MTMR4: variants seen among roughly 807,000 people sequenced by gnomAD.
MTMR4 encodes the protein myotubularin related protein 4, also known as phosphatidylinositol-3,5-bisphosphate 3-phosphatase MTMR4.
Under a neutral mutation model 125.5 loss-of-function variants are expected in MTMR4, and 30 were observed. The ratio of observed to expected loss-of-function variants is 0.24; its 90% CI spans 0.18 to 0.32. The LOEUF is 0.32. Among genes scored for constraint, MTMR4 ranks in the 10% least tolerant of loss-of-function variants. The pLI is 1.00. For missense variants in MTMR4, 1,039 were observed against 1,511.5 expected, an observed-to-expected ratio of 0.69 and a Z score of 5.18; for synonymous variants, 498 against 564.5, an observed-to-expected ratio of 0.88 and a Z score of 1.67.
chr17:58,508,386 C>G lies in MTMR4; in HGVS notation c.593+82G>C. The G allele has an allele frequency of 1.3e-6, 2 of 1,563,876 alleles. No individual in the cohort carries two copies. Among genetic ancestry groups the G allele is most frequent in the South Asian group, 2.2e-5 (2 of 89,952 alleles). ...ACCATGAGCCTTCCTCCCTCTCAGA[C>G]TCAGAAGCTGTGCCCACCACACTTT... On this transcript the variant is annotated intron_variant, in intron 6 of 17. Transcript: ENST00000682306. The surrounding 1 kb of genome is among the most constrained non-coding windows in gnomAD (Gnocchi z 4.8).
intron 14 of MTMR4, among the ~76,000 whole-genome samples, chr17:58,500,264 C>A (rs921377256): frequency 6.6e-6 from 1 of 152,150 alleles, no homozygotes; most frequent in Non-Finnish European, 1.5e-5. Context: ...GTAGCTGGGA[C>A]CACAGGCGCA....
At chr17:58,497,957 G>C (rs1975516609) in intron 14 of MTMR4, among the ~76,000 whole-genome samples, 1 of 152,246 alleles carries the variant, frequency 6.6e-6, no homozygotes, top group Non-Finnish European at 1.5e-5. Context: ...GCTGGGCACA[G>C]TGGCTCATGC....
intron 14 of MTMR4, among the ~76,000 whole-genome samples, chr17:58,497,672 A>C (rs1289287150): frequency 1.3e-5 from 2 of 152,204 alleles, no homozygotes; most frequent in African/African-American, 2.4e-5. Context: ...CTAGCACAGT[A>C]CCAGGGGCAA....
At position 58,504,534 on chromosome 17, in the gene MTMR4, C is replaced by A; in HGVS notation, c.1342-46G>T. 1 of 1,588,524 alleles carries A rather than the reference C, an allele frequency of 6.3e-7. No homozygotes were observed. The highest frequency in any genetic ancestry group is 8.6e-7 in the Non-Finnish European group (1 of 1,165,368). ...CAAACATAGGGCCTCTCTGGAAATG[C>A]TGATGTGCTACTCCCCTGGGAACTG... On this transcript the variant is annotated intron_variant, in intron 11 of 17. Coordinates refer to ENST00000682306, the MANE Select transcript of MTMR4 (RefSeq NM_001378067.1). This position sits in a 1 kb window ranked among gnomAD's most constrained non-coding sequence, Gnocchi z 7.1.
chr17:58,511,006 T>C (rs1462469290), intron 4 of MTMR4: 2 of 153,552 alleles, frequency 1.3e-5, no homozygotes, highest in African/African-American at 4.8e-5. Flanking sequence ...CTCATTGGAA[T>C]GTAAGCTCTC....
intron 14 of MTMR4, among the ~76,000 whole-genome samples, chr17:58,497,078 C>T (rs1237202809): frequency 1.3e-5 from 2 of 152,100 alleles, no homozygotes; most frequent in African/African-American, 4.8e-5. Flanking sequence ...GGTTAAGGGA[C>T]ATTTTCAAGA....
chr17:58,508,057 G>C lies in MTMR4; in HGVS notation c.707+104C>G, dbSNP rs1028800683. 7.0e-5 allele frequency: 54 copies of C among 769,784 alleles called. No individual in the cohort carries two copies. The highest frequency in any genetic ancestry group is 8.2e-5 in the Non-Finnish European group (37 of 452,950). 47.7% of individuals were successfully genotyped at this position (769,784 alleles called of 1,614,324 possible). On this transcript the variant is annotated intron_variant, in intron 7 of 17. Transcript: ENST00000682306. The surrounding 1 kb of genome is among the most constrained non-coding windows in gnomAD (Gnocchi z 4.8). ...TAAAGTTATTTCATACTTCCCCATA[G>C]AGTGTCAATTCTCAGTCAACCAGGT...
Position 58,496,470 on chromosome 17 carries a change from AC to A in MTMR4, c.1854-141del, listed in dbSNP as rs901152016. The A allele has an allele frequency of 1.0e-5, 7 of 692,166 alleles. No individual in the cohort carries two copies. The Admixed American group carries it at 1.9e-4, about 19-fold the overall frequency. 42.9% of individuals were successfully genotyped at this position (692,166 alleles called of 1,614,324 possible). On this transcript the variant is annotated intron_variant, in intron 14 of 17. Transcript: ENST00000682306. The stretch of plus-strand genomic sequence containing the variant: ...AGAACACTTAAGTTTAGAAATAAGG[AC>A]CCTTAAGATCACAAATAACCAATGT...
upstream of MTMR4, among the ~76,000 whole-genome samples, chr17:58,518,326 A>T (rs2042049936): frequency 6.6e-6 from 1 of 152,196 alleles, no homozygotes; most frequent in Admixed American, 6.5e-5. Context: ...CTTCTGAAAC[A>T]GGTCCCCAGT....
intron 4 of MTMR4, chr17:58,511,161 T>C (rs1038834710): frequency 9.6e-6 from 3 of 311,496 alleles, no homozygotes; most frequent in Non-Finnish European, 1.8e-5. Flanking sequence ...GTGCCAGATA[T>C]TGTCCTCGGT....
At chr17:58,511,096 A>G (rs1429142157) in intron 4 of MTMR4, 1 of 176,428 alleles carries the variant, frequency 5.7e-6, no homozygotes, top group African/African-American at 2.4e-5. Flanking sequence ...TAGGGTACTC[A>G]ATACATGTAT....
Position 58,495,883 on chromosome 17 carries a change from T to G in MTMR4, c.2301A>C (p.Glu767Asp). The change falls in exon 15 of 18, where the codon GAA (glutamate) becomes GAC (aspartate). Residue 767 changes from glutamate (E) to aspartate (D), a missense_variant. Glu to Asp is a conservative substitution (Grantham distance 45). Around this residue, in one of 6 missense-constraint regions of MTMR4, gnomAD observed 619 missense variants for 714.5 expected, o/e 0.87. Transcript: ENST00000682306. ...RTLDGIGEPP[E>D]HCPETEAVSA... Reference sequence around the variant, plus strand: ...TGACAGCTTCTGTTTCAGGACAATGTTCAGGTGGCTCCCCTATGCCATCTA... The same window carrying G: ...TGACAGCTTCTGTTTCAGGACAATGGTCAGGTGGCTCCCCTATGCCATCTA... 1 of 1,614,114 alleles carries G rather than the reference T, an allele frequency of 6.2e-7. No homozygotes were observed. Among genetic ancestry groups the G allele is most frequent in the Non-Finnish European group, 8.5e-7 (1 of 1,180,010 alleles).
At position 58,506,763 on chromosome 17, in the gene MTMR4, C is replaced by T; in HGVS notation, c.1013G>A (p.Gly338Asp). 1 of 1,614,004 alleles carries T rather than the reference C, an allele frequency of 6.2e-7. No individual in the cohort carries two copies. The highest frequency in any genetic ancestry group is 8.5e-7 in the Non-Finnish European group (1 of 1,180,012). The change falls in exon 9 of 18, where the codon GGT becomes GAT. Residue 338 changes from glycine (G) to aspartate (D), a missense_variant. Around this residue, in one of 6 missense-constraint regions of MTMR4, gnomAD observed 107 missense variants for 267.4 expected, o/e 0.40. Coordinates refer to ENST00000682306, the MANE Select transcript of MTMR4 (RefSeq NM_001378067.1). The part of the protein sequence containing the change: ...YTAAVANRAK[G>D]GGCECEEYYP... ...AATACCTTCACATTCACAGCCTCCA[C>T]CCTTGGCCCGGTTGGCCACTGCTGC...
At chr17:58,494,245 G>A (rs545864457) in intron 15 of MTMR4, among the ~76,000 whole-genome samples, 14 of 151,774 alleles carry the variant, frequency 9.2e-5, no homozygotes, top group Middle Eastern at 3.4e-3. Flanking sequence ...GCGTGAACCC[G>A]GGAGGGCGGA....
At chr17:58,507,949 A>T (rs1567935483) in intron 7 of MTMR4, 1 of 456,448 alleles carries the variant, frequency 2.2e-6, no homozygotes, top group South Asian at 2.2e-5. Flanking sequence ...ACACACACAC[A>T]CACACTCTAA....
Position 58,496,063 on chromosome 17 carries a change from C to T in MTMR4, c.2121G>A (p.Lys707=), listed in dbSNP as rs1598213084. ...AACTTGGAGAACAGCTTTTGTGACT[C>T]TTGAAAGGTTTATTGCTCAAGTAGT... ...QKDYLSNKPF[K]SHKSCSPSYK... The change falls in exon 15 of 18, where the codon AAG becomes AAA. Residue 707 remains lysine, a synonymous_variant. Transcript: ENST00000682306. 1.9e-6 allele frequency: 3 copies of T among 1,614,168 alleles called. No individual in the cohort carries two copies. The East Asian group carries it at 6.7e-5, about 36-fold the overall frequency.
chr17:58,500,844 T>G (rs1975605964), intron 14 of MTMR4, among the ~76,000 whole-genome samples: 1 of 152,100 alleles, frequency 6.6e-6, no homozygotes, highest in African/African-American at 2.4e-5. Flanking sequence ...ACCAATATCT[T>G]CTATTTCTTT....
chr17:58,512,393 G>A lies in MTMR4; in HGVS notation c.249C>T (p.Ile83=). The change falls in exon 3 of 18, where the codon ATC becomes ATT. Residue 83 remains isoleucine (I), a synonymous_variant. Coordinates refer to ENST00000682306, the MANE Select transcript of MTMR4 (RefSeq NM_001378067.1). This position sits in a 1 kb window ranked among gnomAD's most constrained non-coding sequence, Gnocchi z 4.1. ...GGAGAACAATACAGAAACTCACGTTGATGACAGAGTCCTTGAATTTGATAT... is the reference window on the plus strand; with the variant it reads ...GGAGAACAATACAGAAACTCACGTTAATGACAGAGTCCTTGAATTTGATAT... The part of the protein sequence containing the change: ...RLHIKFKDSV[I]NVPLRMIDSV... The A allele has an allele frequency of 1.9e-6, 3 of 1,610,926 alleles. No homozygotes were observed. The highest frequency in any genetic ancestry group is 2.5e-6 in the Non-Finnish European group (3 of 1,177,026).
chr17:58,495,688 CGGT>C lies in MTMR4; in HGVS notation c.2493_2495del (p.Pro832del). 6.2e-7 allele frequency: 1 copy of C among 1,614,132 alleles called. No homozygotes were observed. The highest frequency in any genetic ancestry group is 8.5e-7 in the Non-Finnish European group (1 of 1,180,034). On this transcript the variant is annotated inframe_deletion, in exon 15 of 18. Transcript: ENST00000682306. ...CTAGAGGAGTTTGGCAGGCAGCACT[CGGT>C]GGGTTGCAAACGGTGCTGAGGCTGT...
Sources: allele counts gnomAD v4.1 joint callset (sites outside exome capture counted in the v4.1 genomes callset), GRCh38; gene constraint gnomAD v4.1.1; regional missense constraint gnomAD v4.1.1; non-coding constraint Gnocchi (gnomAD v3.1); transcripts MANE v1.5; gene names NCBI Gene and HGNC (gene_info 2026-07-23, HGNC 2026-07-21).